The following ATRNL1 variants were observed in gnomAD, a reference collection of about 807,000 sequenced individuals.
ATRNL1 encodes attractin like 1.
In ATRNL1, 95 loss-of-function variants were observed where a neutral mutation model predicts 182.7. The observed-to-expected ratio is 0.52, with a 90% CI of 0.44 to 0.62. ATRNL1 has a LOEUF of 0.62. Ranked by LOEUF, ATRNL1 falls within the 20% of genes least tolerant of loss-of-function variation. The pLI is 0.00. For synonymous variants in ATRNL1, 576 were observed against 568.3 expected (o/e 1.01, Z -0.19); for missense variants, 1,471 against 1,679.5 (o/e 0.88, Z 2.17).
chr10:115,893,846 A>T (rs139217506), intron 28 of ATRNL1, among the ~76,000 whole-genome samples: 12 of 152,314 alleles, frequency 7.9e-5, no homozygotes, highest in African/African-American at 2.9e-4. Flanking sequence ...TTTGGTGTGG[A>T]TATAGTGTGA....
intron 20 of ATRNL1, among the ~76,000 whole-genome samples, chr10:115,403,230 A>G (rs1592602238): frequency 7.9e-6 from 1 of 125,998 alleles, no homozygotes; most frequent in African/African-American, 3.6e-5. Flanking sequence ...TGTATCTTGG[A>G]TCTTTATTTT....
intron 25 of ATRNL1, among the ~76,000 whole-genome samples, chr10:115,535,215 C>T (rs7912987): frequency 0.03 from 4,252 of 140,810 alleles, 221 homozygotes; most frequent in African/African-American, 0.11. Flanking sequence ...TCCAACTTGG[C>T]TCCATTCTCC....
At chr10:115,266,480 A>G (rs1417023192) in intron 11 of ATRNL1, among the ~76,000 whole-genome samples, 1 of 151,626 alleles carries the variant, frequency 6.6e-6, no homozygotes, top group Non-Finnish European at 1.5e-5. Context: ...GGAATATTGT[A>G]TATAATCATT....
At chr10:115,312,722 C>G (rs1461035921) in intron 17 of ATRNL1, among the ~76,000 whole-genome samples, 1 of 152,074 alleles carries the variant, frequency 6.6e-6, no homozygotes, top group Non-Finnish European at 1.5e-5. Context: ...TTTTCTCTTT[C>G]TTTTACCTCA....
rs3981285 is a variant in ATRNL1 at position 115,431,401 on chromosome 10, TAA to T, written c.3322+5116_3322+5117del. Among the ~76,000 whole-genome samples the T allele has an allele frequency of 4.8e-3, 529 of 110,786 alleles. 3 individuals carry two copies. The highest frequency in any genetic ancestry group is 0.012 in the African/African-American group (389 of 32,658). 72.7% of individuals were successfully genotyped at this position (110,786 alleles called of 152,430 possible). A position where few individuals can be genotyped will look rare whatever the true frequency, so the allele number is the denominator to read the frequency against. On this transcript the variant is annotated intron_variant, in intron 21 of 28. Coordinates refer to ENST00000355044, the MANE Select transcript of ATRNL1 (RefSeq NM_207303.4). The stretch of plus-strand genomic sequence containing the variant: ...CGCACCTGGGCAACAAGAGTGAAAC[TAA>T]AAAAAAAAAAAAAAAAGAAAAGAAA...
At chr10:115,161,371 TTGG>T (rs1413539407) in intron 6 of ATRNL1, among the ~76,000 whole-genome samples, 1 of 151,722 alleles carries the variant, frequency 6.6e-6, no homozygotes, top group Admixed American at 6.6e-5. Context: ...TGAAAGAGAG[TTGG>T]TGGGATTAAA....
intron 27 of ATRNL1, among the ~76,000 whole-genome samples, chr10:115,829,138 A>G (rs145948210): frequency 2.0e-5 from 3 of 152,226 alleles, no homozygotes; most frequent in Admixed American, 6.5e-5. Context: ...TATTTTTATC[A>G]TAAGAGTGAT....
rs574690782 is a variant in ATRNL1, at chr10:115,194,629, T to C, written c.1349-21068T>C. Among the ~76,000 whole-genome samples the C allele has an allele frequency of 3.3e-5, 5 of 151,798 alleles. No individual in the cohort carries two copies. The East Asian group carries it at 9.7e-4, about 29-fold the overall frequency. On this transcript the variant is annotated intron_variant, in intron 8 of 28. Transcript: ENST00000355044. ...TTCTTCTAGGCAGCATGTAGTGGGG[T>C]CTTATTTTTTATCCATTCTTCTATG...
intron 28 of ATRNL1, among the ~76,000 whole-genome samples, chr10:115,892,803 A>G (rs1952111894): frequency 6.6e-6 from 1 of 152,170 alleles, no homozygotes; most frequent in Non-Finnish European, 1.5e-5. Flanking sequence ...AAGCCTGCTT[A>G]TGCGCCTGTG....
intron 28 of ATRNL1, among the ~76,000 whole-genome samples, chr10:115,924,109 T>C (rs1953148366): frequency 6.6e-6 from 1 of 152,230 alleles, no homozygotes; most frequent in Non-Finnish European, 1.5e-5. Context: ...GTTTTTTTCT[T>C]GTAAATTTGC....
chr10:115,529,617 C>G (rs1407951079), intron 25 of ATRNL1, among the ~76,000 whole-genome samples: 1 of 151,676 alleles, frequency 6.6e-6, no homozygotes, highest in East Asian at 1.9e-4. Context: ...GCATATTTCC[C>G]TAACCAACAA....
At chr10:115,205,119 T>C (rs963429176) in intron 8 of ATRNL1, among the ~76,000 whole-genome samples, 1 of 152,084 alleles carries the variant, frequency 6.6e-6, no homozygotes, top group Non-Finnish European at 1.5e-5. Context: ...TTATTGTAGC[T>C]ATTATTTTTG....
chr10:115,398,767 G>A lies in ATRNL1; in HGVS notation c.3269+4015G>A, dbSNP rs150865170. Among the ~76,000 whole-genome samples, 825 of 152,086 alleles carry A rather than the reference G, an allele frequency of 5.4e-3. 5 individuals carry two copies. The highest frequency in any genetic ancestry group is 9.5e-3 in the South Asian group (46 of 4,818). ...TTGAATGGAAGTGGTGAGAGAGGGC[G>A]TCCTTGTCTTGTGCTGGTTTTCAAG... On this transcript the variant is annotated intron_variant, in intron 20 of 28. Coordinates refer to ENST00000355044, the MANE Select transcript of ATRNL1 (RefSeq NM_207303.4).
At chr10:115,116,822 A>G (rs1243798984) in intron 1 of ATRNL1, among the ~76,000 whole-genome samples, 1 of 152,042 alleles carries the variant, frequency 6.6e-6, no homozygotes, top group Non-Finnish European at 1.5e-5. Context: ...GGCTCTTGGT[A>G]AGATCTTTAG....
At chr10:115,291,830 T>TA (rs1852924440) in intron 15 of ATRNL1, among the ~76,000 whole-genome samples, 2 of 147,214 alleles carry the variant, frequency 1.4e-5, no homozygotes, top group African/African-American at 5.0e-5. Context: ...TTTTTTTTTT[T>TA]AATGTCCTTG....
rs1366545837 is a variant in ATRNL1 at position 115,523,016 on chromosome 10, C to T, written c.3716+3692C>T. Reference sequence around the variant, plus strand: ...CAGGGCCTCCAACCGCATATTTCTGCTCAGCATTGCCTCACTAGCATCTGT... The same window carrying T: ...CAGGGCCTCCAACCGCATATTTCTGTTCAGCATTGCCTCACTAGCATCTGT... On this transcript the variant is annotated intron_variant, in intron 25 of 28. Transcript: ENST00000355044. Among the ~76,000 whole-genome samples, 4 of 152,322 alleles carry T rather than the reference C, an allele frequency of 2.6e-5. No homozygotes were observed. In the East Asian group the frequency reaches 7.7e-4, roughly 29 times the overall value.
chr10:115,761,457 C>G (rs1425602796), intron 27 of ATRNL1, among the ~76,000 whole-genome samples: 2 of 34,552 alleles, frequency 5.8e-5, no homozygotes, highest in Non-Finnish European at 1.2e-4. Flanking sequence ...ACACAAAAAT[C>G]ATAAATAACT....
intron 27 of ATRNL1, among the ~76,000 whole-genome samples, chr10:115,817,644 C>A (rs1555088991): frequency 6.6e-6 from 1 of 152,042 alleles, no homozygotes; most frequent in Non-Finnish European, 1.5e-5. Context: ...TTTCCTTCTT[C>A]TACCTTTTTG....
At chr10:115,918,839 G>A (rs1388779758) in intron 28 of ATRNL1, among the ~76,000 whole-genome samples, 7 of 152,164 alleles carry the variant, frequency 4.6e-5, no homozygotes, top group Non-Finnish European at 8.8e-5. Flanking sequence ...AACAGAATTT[G>A]GATAGGCAGA....
Sources: allele counts gnomAD v4.1 joint callset (sites outside exome capture counted in the v4.1 genomes callset), GRCh38; gene constraint gnomAD v4.1.1; transcripts MANE v1.5; gene names NCBI Gene and HGNC (gene_info 2026-07-23, HGNC 2026-07-21).